The following ST8SIA6 variants were observed in gnomAD, a reference collection of about 807,000 sequenced individuals.
ST8SIA6 encodes alpha-2,8-sialyltransferase 8F.
In ST8SIA6, 39 loss-of-function variants were observed where a neutral mutation model predicts 33.6. The observed-to-expected ratio is 1.16, with a 90% confidence interval of 0.90 to 1.52. ST8SIA6 has a LOEUF of 1.52. Among genes scored for constraint, ST8SIA6 ranks in the 40% most tolerant of loss-of-function variants. ST8SIA6 has a pLI of 0.00. For synonymous variants in ST8SIA6, 172 were observed against 167.2 expected (o/e 1.03, Z -0.22); for missense variants, 441 against 443.8 (o/e 0.99, Z 0.06).
intron 5 of ST8SIA6, among the ~76,000 whole-genome samples, chr10:17,329,175 T>C (rs1341739227): frequency 6.6e-6 from 1 of 152,190 alleles, no homozygotes; most frequent in Non-Finnish European, 1.5e-5. Flanking sequence ...GTAAAAGTCA[T>C]ATTGCACTTT....
At chr10:17,323,229 G>GCGCACA (rs112083592) in intron 6 of ST8SIA6, 72 bp from the exon 7 acceptor site, 13 of 794,430 alleles carry the variant, frequency 1.6e-5, no homozygotes, top group African/African-American at 7.2e-5. Context: ...ACATATGCGC[G>GCGCACA]CACACACACA....
chr10:17,374,209 TAAA>T (rs34878315), intron 3 of ST8SIA6, among the ~76,000 whole-genome samples: 25 of 147,496 alleles, frequency 1.7e-4, no homozygotes, highest in South Asian at 1.5e-3. Context: ...CTGAGGGAGT[TAAA>T]AAAAAAAGTC....
chr10:17,333,717 A>ATAT (rs1251981910), intron 4 of ST8SIA6, among the ~76,000 whole-genome samples: 8 of 33,758 alleles, frequency 2.4e-4, no homozygotes, highest in Non-Finnish European at 3.3e-4. Flanking sequence ...ATATATATAT[A>ATAT]TTTTTTTTTT....
At chr10:17,447,114 G>T (rs971248258) in intron 2 of ST8SIA6, among the ~76,000 whole-genome samples, 1 of 152,014 alleles carries the variant, frequency 6.6e-6, no homozygotes. Context: ...ATTGTGGCCG[G>T]GAGCAGTAGC....
At chr10:17,333,181 C>T (rs1369639748) in intron 4 of ST8SIA6, among the ~76,000 whole-genome samples, 3 of 152,034 alleles carry the variant, frequency 2.0e-5, no homozygotes, top group South Asian at 4.1e-4. Context: ...ATATAGCTTA[C>T]AAGGAATGTG....
At chr10:17,339,090 T>A (rs1238739322) in intron 4 of ST8SIA6, among the ~76,000 whole-genome samples, 1 of 145,644 alleles carries the variant, frequency 6.9e-6, no homozygotes, top group Non-Finnish European at 1.5e-5. Flanking sequence ...GAGAAAGGGA[T>A]CTTTATTAAA....
Position 17,437,676 on chromosome 10 carries a change from T to G in ST8SIA6, c.200+15883A>C, listed in dbSNP as rs537393805. Among the ~76,000 whole-genome samples, 20 of 149,448 alleles carry G rather than the reference T, an allele frequency of 1.3e-4. No homozygotes were observed. The East Asian group carries it at 3.4e-3, about 25-fold the overall frequency. On this transcript the variant is annotated intron_variant, in intron 2 of 7. Coordinates refer to ENST00000377602, the MANE Select transcript of ST8SIA6 (RefSeq NM_001004470.3). Reference sequence around the variant, plus strand: ...TTCCTTCCTTCCTTCTGTCTCTCTTTCTCTTTCTCTTTCTCCCTTCCCTTC... The same window carrying G: ...TTCCTTCCTTCCTTCTGTCTCTCTTGCTCTTTCTCTTTCTCCCTTCCCTTC...
intron 4 of ST8SIA6, among the ~76,000 whole-genome samples, chr10:17,334,563 T>C (rs1000544296): frequency 8.0e-5 from 12 of 149,432 alleles, no homozygotes; most frequent in African/African-American, 2.9e-4. Flanking sequence ...TTATTATTAT[T>C]ATTATAATAA....
At chr10:17,412,189 A>G (rs1297654504) in intron 2 of ST8SIA6, among the ~76,000 whole-genome samples, 1 of 151,948 alleles carries the variant, frequency 6.6e-6, no homozygotes, top group Non-Finnish European at 1.5e-5. Context: ...CACATCACAG[A>G]TTTTTGGGCT....
intron 4 of ST8SIA6, among the ~76,000 whole-genome samples, chr10:17,333,690 TA>T (rs1564404827): frequency 0.044 from 1,731 of 39,116 alleles, 235 homozygotes; most frequent in Admixed American, 0.073. Context: ...TATATATATA[TA>T]TATATATATA....
chr10:17,329,490 C>T (rs1848231598), intron 5 of ST8SIA6, among the ~76,000 whole-genome samples: 1 of 152,116 alleles, frequency 6.6e-6, no homozygotes. Flanking sequence ...TGAATGGTTC[C>T]TAGATACCTC....
At chr10:17,441,584 C>T (rs923020144) in intron 2 of ST8SIA6, among the ~76,000 whole-genome samples, 3 of 152,178 alleles carry the variant, frequency 2.0e-5, no homozygotes, top group Non-Finnish European at 2.9e-5. Flanking sequence ...GCTGGGATTA[C>T]AGGCGTGCAC....
rs1588914628 is a variant in ST8SIA6 at position 17,426,816 on chromosome 10, A to G, written c.200+26743T>C. 3.3e-5 allele frequency among the ~76,000 whole-genome samples: 5 copies of G among 152,186 alleles called. No individual in the cohort carries two copies. In the East Asian group the frequency reaches 9.6e-4, roughly 29 times the overall value. On this transcript the variant is annotated intron_variant, in intron 2 of 7. Transcript: ENST00000377602. ...TTTTGGTACAGAAAAAGTTCTATGC[A>G]CGGGGCCAGGCGCAGTGGCTCACGC... is the stretch of plus-strand genomic sequence containing the variant.
At chr10:17,344,655 C>A (rs1428162229) in intron 4 of ST8SIA6, among the ~76,000 whole-genome samples, 2 of 152,178 alleles carry the variant, frequency 1.3e-5, no homozygotes, top group African/African-American at 2.4e-5. Flanking sequence ...AATATCTACA[C>A]CTTTGGAAAT....
At chr10:17,321,782 T>G (rs1424735745) in intron 7 of ST8SIA6, among the ~76,000 whole-genome samples, 2 of 152,182 alleles carry the variant, frequency 1.3e-5, no homozygotes, top group African/African-American at 4.8e-5. Context: ...CTTTTGCACA[T>G]ATTTCATTAT....
chr10:17,340,422 C>T (rs575873112), intron 4 of ST8SIA6, among the ~76,000 whole-genome samples: 39 of 152,266 alleles, frequency 2.6e-4, no homozygotes, highest in African/African-American at 7.5e-4. Context: ...CTGCTCACCC[C>T]GCCACTCTGG....
chr10:17,443,414 T>C (rs1052601333), intron 2 of ST8SIA6, among the ~76,000 whole-genome samples: 1 of 152,250 alleles, frequency 6.6e-6, no homozygotes, highest in African/African-American at 2.4e-5. Context: ...TAATGGTCTC[T>C]TTACAACCTC....
chr10:17,452,457 C>G lies in ST8SIA6; in HGVS notation c.200+1102G>C, dbSNP rs1399310846. 3.3e-5 allele frequency among the ~76,000 whole-genome samples: 5 copies of G among 152,140 alleles called. No individual in the cohort carries two copies. In the East Asian group the frequency reaches 9.6e-4, roughly 29 times the overall value. ...GTATAGCAGATTGCAATCATAATAGCAATGCTAAGGCAGGAAGCAGTACAT... is the reference window on the plus strand; with the variant it reads ...GTATAGCAGATTGCAATCATAATAGGAATGCTAAGGCAGGAAGCAGTACAT... On this transcript the variant is annotated intron_variant, in intron 2 of 7. Transcript: ENST00000377602.
rs1483383646 is a variant in ST8SIA6 at position 17,333,694 on chromosome 10, TATATATATATATATATATATATA to T, written c.378-2165_378-2143del. Among the ~76,000 whole-genome samples, 106 of 25,748 alleles carry T rather than the reference TATATATATATATATATATATATA, an allele frequency of 4.1e-3. 4 individuals carry two copies. The highest frequency in any genetic ancestry group is 0.015 in the East Asian group (4 of 270). The allele number at this position is 25,748 out of a possible 152,430, so 16.9% of individuals were successfully genotyped here. A position where few individuals can be genotyped will look rare whatever the true frequency, so the allele number is the denominator to read the frequency against. ...TGGGATATATATATATATATATATATATATATATATATATATATATATATTTTTTTTTTTTTTTTTTTTTTTTG... is the reference window on the plus strand; with the variant it reads ...TGGGATATATATATATATATATATATTTTTTTTTTTTTTTTTTTTTTTTTG... On this transcript the variant is annotated intron_variant, in intron 4 of 7. Transcript: ENST00000377602.
Sources: gnomAD v4.1 joint callset for allele counts (sites outside exome capture counted in the v4.1 genomes callset) on GRCh38, gnomAD v4.1.1 for gene constraint, MANE v1.5 for transcripts, NCBI Gene and HGNC (gene_info 2026-07-23, HGNC 2026-07-21) for gene names.